YEATS2: variants seen among roughly 807,000 people sequenced by gnomAD.
The protein encoded by YEATS2 is YEATS domain-containing protein 2.
A neutral mutation model predicts 163.2 loss-of-function variants in YEATS2; 77 were observed. That is an observed-to-expected ratio of 0.47 (90% CI 0.39 to 0.57). YEATS2 has a LOEUF of 0.57. Ranked by LOEUF, YEATS2 falls within the 20% of genes least tolerant of loss-of-function variation. The pLI is 0.00. For synonymous variants in YEATS2, 631 were observed against 645.1 expected (o/e 0.98, Z 0.33); for missense variants, 1,549 against 1,729.8 (o/e 0.90, Z 1.85).
At chr3:183,755,386 C>T (rs975559454) in intron 11 of YEATS2, among the ~76,000 whole-genome samples, 14 of 152,022 alleles carry the variant, frequency 9.2e-5, no homozygotes, top group East Asian at 1.9e-4. Flanking sequence ...CAAAGTGCTC[C>T]GGTTACAGGC....
At chr3:183,781,898 GTCT>G (rs1723596068) in intron 19 of YEATS2, among the ~76,000 whole-genome samples, 1 of 149,838 alleles carries the variant, frequency 6.7e-6, no homozygotes, top group Non-Finnish European at 1.5e-5. Flanking sequence ...GCAACACCCT[GTCT>G]TAAAAAAAAA....
chr3:183,768,982 C>G (rs1722191341), intron 15 of YEATS2, among the ~76,000 whole-genome samples: 1 of 152,136 alleles, frequency 6.6e-6, no homozygotes, highest in Non-Finnish European at 1.5e-5. Context: ...CAAAAAACAA[C>G]AACAAAACAG....
At position 183,808,010 on chromosome 3, in the gene YEATS2, G is replaced by A. The variant is rs556867414; in HGVS notation, c.4012-20G>A. 1.9e-6 allele frequency: 3 copies of A among 1,552,348 alleles called. No individual in the cohort carries two copies. Among genetic ancestry groups the A allele is most frequent in the South Asian group, 2.4e-5 (2 of 84,120 alleles). On this transcript the variant is annotated intron_variant, in intron 28 of 30. Transcript: ENST00000305135. ...TCTAAAGCAGCGATACGAACAAACG[G>A]CTTTCTTCTGCTTTTCCAGATTGGG...
chr3:183,736,631 T>G lies in YEATS2; in HGVS notation c.813-87T>G, dbSNP rs928378223. ...AATGATTCTCAGAAGACAGTGAATTTCTGATTTATGCATTATCAGGAAACT... is the reference window on the plus strand; with the variant it reads ...AATGATTCTCAGAAGACAGTGAATTGCTGATTTATGCATTATCAGGAAACT... On this transcript the variant is annotated intron_variant, in intron 7 of 30. Coordinates refer to ENST00000305135, the MANE Select transcript of YEATS2 (RefSeq NM_018023.5). 3.5e-4 allele frequency: 304 copies of G among 871,442 alleles called. 1 individual carries two copies. Among genetic ancestry groups the G allele is most frequent in the South Asian group, 2.7e-4 (11 of 40,806 alleles). 54.0% of individuals were successfully genotyped at this position (871,442 alleles called of 1,614,324 possible). A position where few individuals can be genotyped will look rare whatever the true frequency, so the allele number is the denominator to read the frequency against.
rs1028632511 is a variant in YEATS2, at chr3:183,777,697, A to G, written c.2733A>G (p.Thr911=). The change falls in exon 19 of 31, where the codon ACA becomes ACG. Residue 911 remains threonine, a synonymous_variant. Transcript: ENST00000305135. ...VISGQKTTLF[T]QAAHGGQASL... ...CTGGACAGAAAACCACATTGTTTAC[A>G]CAGGTAAATACGCCCATGCACACAC... is the stretch of plus-strand genomic sequence containing the variant. The G allele has an allele frequency of 3.1e-6, 5 of 1,614,040 alleles. No individual in the cohort carries two copies. In the African/African-American group the frequency reaches 5.3e-5, roughly 17 times the overall value.
At chr3:183,771,541 G>T (rs1471930970) in intron 15 of YEATS2, among the ~76,000 whole-genome samples, 40 of 50,946 alleles carry the variant, frequency 7.9e-4, no homozygotes, top group Admixed American at 1.8e-3. Flanking sequence ...TATTATTCTT[G>T]CCTTTTTTTT....
intron 21 of YEATS2, 65 bp from the exon 22 acceptor site, chr3:183,797,858 G>C: frequency 1.2e-6 from 2 of 1,601,924 alleles, no homozygotes; most frequent in Non-Finnish European, 1.7e-6. Context: ...GGGTAGCACA[G>C]AGGATAAGAG....
At chr3:183,707,835 C>T (rs1714776225) in intron 1 of YEATS2, among the ~76,000 whole-genome samples, 2 of 151,838 alleles carry the variant, frequency 1.3e-5, no homozygotes, top group Admixed American at 1.3e-4. Context: ...CCACCATGCC[C>T]AGCTAATTTT....
chr3:183,740,031 C>T (rs112457766), intron 8 of YEATS2, among the ~76,000 whole-genome samples: 1 of 116,328 alleles, frequency 8.6e-6, no homozygotes, highest in Non-Finnish European at 1.8e-5. Context: ...CATTACCATT[C>T]AGGACATAGG....
At chr3:183,769,533 A>AG (rs1015235995) in intron 15 of YEATS2, among the ~76,000 whole-genome samples, 1 of 152,160 alleles carries the variant, frequency 6.6e-6, no homozygotes, top group African/African-American at 2.4e-5. Flanking sequence ...TTTATAGATG[A>AG]GGGGATTGAT....
chr3:183,795,493 G>T (rs990903272), intron 21 of YEATS2, among the ~76,000 whole-genome samples: 9 of 143,062 alleles, frequency 6.3e-5, no homozygotes, highest in Non-Finnish European at 1.1e-4. Flanking sequence ...TAGAGACGGG[G>T]TCTTGCTTTG....
chr3:183,737,065 A>G (rs1718415923), intron 8 of YEATS2, among the ~76,000 whole-genome samples: 1 of 152,232 alleles, frequency 6.6e-6, no homozygotes, highest in Non-Finnish European at 1.5e-5. Context: ...CTATATTCTT[A>G]CAATAAAGTA....
At chr3:183,718,952 C>A (rs1016306543) in intron 4 of YEATS2, among the ~76,000 whole-genome samples, 2 of 152,112 alleles carry the variant, frequency 1.3e-5, no homozygotes, top group Non-Finnish European at 2.9e-5. Context: ...ACCTTGGCCT[C>A]CCCAAGTGCT....
At chr3:183,743,956 G>C (rs1294738298) in intron 8 of YEATS2, among the ~76,000 whole-genome samples, 1 of 152,016 alleles carries the variant, frequency 6.6e-6, no homozygotes, top group Non-Finnish European at 1.5e-5. Context: ...TTAACCTGCG[G>C]CTTAAGTTAT....
Position 183,736,836 on chromosome 3 carries a change from T to C in YEATS2, c.924+7T>C. The C allele has an allele frequency of 1.2e-6, 2 of 1,605,320 alleles. No individual in the cohort carries two copies. The highest frequency in any genetic ancestry group is 2.7e-5 in the African/African-American group (2 of 74,718). ...TATCATACATAATCTGAAGGTATTG[T>C]AACAAAACATTGCTCCCTAGTTTTG... On this transcript the variant is annotated splice_region_variant and intron_variant, in intron 8 of 30. Coordinates refer to ENST00000305135, the MANE Select transcript of YEATS2 (RefSeq NM_018023.5).
chr3:183,709,003 T>TA (rs1238232500), intron 1 of YEATS2, among the ~76,000 whole-genome samples: 2 of 151,520 alleles, frequency 1.3e-5, no homozygotes, highest in Non-Finnish European at 2.9e-5. Flanking sequence ...CTTCTAAAAA[T>TA]AAAAAAATGA....
chr3:183,737,884 G>T (rs1718512414), intron 8 of YEATS2, among the ~76,000 whole-genome samples: 1 of 152,114 alleles, frequency 6.6e-6, no homozygotes, highest in African/African-American at 2.4e-5. Flanking sequence ...AAAAATTGAA[G>T]ATTTGTGGCA....
At chr3:183,783,309 A>G (rs1026106386) in intron 19 of YEATS2, among the ~76,000 whole-genome samples, 4 of 152,232 alleles carry the variant, frequency 2.6e-5, no homozygotes, top group African/African-American at 7.2e-5. Flanking sequence ...CTGCTTGTGG[A>G]GTGCATTAAT....
chr3:183,760,234 G>C (rs1443149243), intron 13 of YEATS2, among the ~76,000 whole-genome samples: 1 of 151,076 alleles, frequency 6.6e-6, no homozygotes, highest in East Asian at 1.9e-4. Flanking sequence ...CAGCCAAGAA[G>C]TGTTCTTCGT....
Sources: allele counts gnomAD v4.1 joint callset (sites outside exome capture counted in the v4.1 genomes callset), GRCh38; gene constraint gnomAD v4.1.1; transcripts MANE v1.5; gene names NCBI Gene and HGNC (gene_info 2026-07-23, HGNC 2026-07-21).